The following C12orf50 variants were observed in gnomAD, a reference collection of about 807,000 sequenced individuals.
The protein encoded by C12orf50 is uncharacterized protein C12orf50.
In C12orf50, 35 loss-of-function variants were observed where a neutral mutation model predicts 61.6. That is an observed-to-expected ratio of 0.57 (90% CI 0.43 to 0.75). The LOEUF is 0.75. Ranked by LOEUF, C12orf50 falls within the 30% of genes least tolerant of loss-of-function variation. The probability of loss-of-function intolerance (pLI) is 0.00; values close to 1 mark genes in which losing one functional copy is unlikely to be tolerated. For missense variants in C12orf50, 475 were observed against 488.5 expected (o/e 0.97, Z 0.26); for synonymous variants, 178 against 161.5 (o/e 1.10, Z -0.77).
At chr12:88,028,688 T>C (rs2136513360) in intron 1 of C12orf50, among the ~76,000 whole-genome samples, 1 of 152,236 alleles carries the variant, frequency 6.6e-6, no homozygotes, top group South Asian at 2.1e-4. Flanking sequence ...TTCAACTATT[T>C]GAATTATAAT....
chr12:87,997,338 A>G (rs1430802618), intron 4 of C12orf50, among the ~76,000 whole-genome samples: 1 of 152,150 alleles, frequency 6.6e-6, no homozygotes, highest in Admixed American at 6.6e-5. Flanking sequence ...TGTTTTAGAA[A>G]CATATATAAA....
chr12:87,982,990 G>T (rs2136395757), intron 12 of C12orf50, 113 bp downstream of exon 12: 1 of 542,074 alleles, frequency 1.8e-6, no homozygotes, highest in Non-Finnish European at 3.2e-6. Context: ...AAGTGTGCAT[G>T]TATATCTTGA....
At chr12:88,019,439 C>A (rs540104830) in intron 3 of C12orf50, among the ~76,000 whole-genome samples, 1 of 152,128 alleles carries the variant, frequency 6.6e-6, no homozygotes, top group South Asian at 2.1e-4. Context: ...GTAAATTGCC[C>A]AGTCTTGGGT....
chr12:87,980,384 A>T, intron 12 of C12orf50, 28 bp from the exon 13 acceptor site: 11 of 1,577,458 alleles, frequency 7.0e-6, no homozygotes, highest in Non-Finnish European at 8.7e-6. Context: ...AAAATATTTC[A>T]ATTATTTTCT....
intron 7 of C12orf50, among the ~76,000 whole-genome samples, chr12:87,992,982 A>G (rs376324438): frequency 2.0e-5 from 3 of 152,156 alleles, no homozygotes; most frequent in Non-Finnish European, 2.9e-5. Context: ...TCTATCATAT[A>G]CACATACCCA....
chr12:87,998,287 A>ATT (rs2031504946), intron 3 of C12orf50, 97 bp from the exon 4 acceptor site: 10 of 872,178 alleles, frequency 1.1e-5, no homozygotes, highest in Middle Eastern at 3.0e-4. Context: ...ACTATATATT[A>ATT]TTTTAAAATG....
rs769293580 is a variant in C12orf50 at position 88,027,022 on chromosome 12, T to C, written c.-60A>G. 1.2e-6 allele frequency: 2 copies of C among 1,613,942 alleles called. No individual in the cohort carries two copies. The highest frequency in any genetic ancestry group is 1.7e-6 in the Non-Finnish European group (2 of 1,179,932). ...CTCTCTCTCCATAATGAGCACACAGTGTCACTGCCAAGGGCCTCTTCACAG... is the reference window on the plus strand; with the variant it reads ...CTCTCTCTCCATAATGAGCACACAGCGTCACTGCCAAGGGCCTCTTCACAG... On this transcript the variant is annotated 5_prime_UTR_variant, in exon 2 of 13. Transcript: ENST00000298699.
chr12:87,997,352 CAT>C (rs1242295868), intron 4 of C12orf50, among the ~76,000 whole-genome samples: 2 of 151,982 alleles, frequency 1.3e-5, no homozygotes, highest in Non-Finnish European at 2.9e-5. Flanking sequence ...ATATAAAAAA[CAT>C]AGCTTATTAG....
At position 88,027,051 on chromosome 12, in the gene C12orf50, C is replaced by G. The variant is rs374305863; in HGVS notation, c.-89G>C. The G allele has an allele frequency of 6.2e-7, 1 of 1,611,676 alleles. No homozygotes were observed. Among genetic ancestry groups the G allele is most frequent in the African/African-American group, 1.3e-5 (1 of 74,776 alleles). On this transcript the variant is annotated 5_prime_UTR_variant, in exon 2 of 13. Transcript: ENST00000298699. Reference sequence around the variant, plus strand: ...ACTGCCAAGGGCCTCTTCACAGTGTCGGAATCGGCACTGGGAACCCTAAAA... The same window carrying G: ...ACTGCCAAGGGCCTCTTCACAGTGTGGGAATCGGCACTGGGAACCCTAAAA...
At chr12:88,024,559 T>C (rs2136501475) in intron 3 of C12orf50, among the ~76,000 whole-genome samples, 1 of 152,226 alleles carries the variant, frequency 6.6e-6, no homozygotes, top group African/African-American at 2.4e-5. Flanking sequence ...TTCTAACTTA[T>C]AAGTGAGAGC....
In C12orf50 at chr12:87,980,171, C is replaced by T. The variant is rs944140871; in HGVS notation, c.*160G>A. On this transcript the variant is annotated 3_prime_UTR_variant, in exon 13 of 13. Coordinates refer to ENST00000298699, the MANE Select transcript of C12orf50 (RefSeq NM_152589.3). ...GTTTTGAAAGAGCACAATGTACTTC[C>T]TGCATCTTATTTTCAGAATTTGCAT... The T allele has an allele frequency of 2.9e-6, 2 of 678,956 alleles. No individual in the cohort carries two copies. The highest frequency in any genetic ancestry group is 1.8e-5 in the African/African-American group (1 of 55,202). The allele number at this position is 678,956 out of a possible 1,614,324, so 42.1% of individuals were successfully genotyped here. A position where few individuals can be genotyped will look rare whatever the true frequency, so the allele number is the denominator to read the frequency against.
At chr12:87,983,392 T>A (rs2030622646) in intron 11 of C12orf50, 197 bp from the exon 12 acceptor site, 1 of 357,472 alleles carries the variant, frequency 2.8e-6, no homozygotes, top group South Asian at 5.3e-5. Context: ...TTTTTTTTGT[T>A]TTTTTTATTA....
intron 10 of C12orf50, 24 bp downstream of exon 10, chr12:87,986,288 A>T (rs2030816180): frequency 6.8e-7 from 1 of 1,472,262 alleles, no homozygotes; most frequent in African/African-American, 1.4e-5. Context: ...CAATTTAGAA[A>T]TATCAAATAT....
At position 87,986,541 on chromosome 12, in the gene C12orf50, C is replaced by A. The variant is rs2030836161; in HGVS notation, c.818-125G>T. ...AAGAGGAAAAAATAAATGCACCATCCTAACACTTTACTTTTTAGAACAAAA... is the reference window on the plus strand; with the variant it reads ...AAGAGGAAAAAATAAATGCACCATCATAACACTTTACTTTTTAGAACAAAA... On this transcript the variant is annotated intron_variant, in intron 9 of 12. Transcript: ENST00000298699. The A allele has an allele frequency of 1.3e-5, 7 of 537,520 alleles. No homozygotes were observed. In the Admixed American group the frequency reaches 2.7e-4, roughly 21 times the overall value. 33.3% of individuals were successfully genotyped at this position (537,520 alleles called of 1,614,324 possible).
intron 3 of C12orf50, among the ~76,000 whole-genome samples, chr12:88,019,601 C>T (rs372596928): frequency 6.6e-6 from 1 of 151,132 alleles, no homozygotes; most frequent in African/African-American, 2.4e-5. Flanking sequence ...AATCATAAGG[C>T]TAGATGAGAC....
At chr12:88,018,379 C>T (rs1366360599) in intron 3 of C12orf50, among the ~76,000 whole-genome samples, 1 of 152,230 alleles carries the variant, frequency 6.6e-6, no homozygotes, top group Non-Finnish European at 1.5e-5. Context: ...GGAACCTCTG[C>T]CTAGATTTCA....
chr12:88,027,087 A>G lies in C12orf50; in HGVS notation c.-108-17T>C. 2 of 1,590,342 alleles carry G rather than the reference A, an allele frequency of 1.3e-6. No individual in the cohort carries two copies. The highest frequency in any genetic ancestry group is 1.7e-6 in the Non-Finnish European group (2 of 1,171,998). On this transcript the variant is annotated splice_polypyrimidine_tract_variant and intron_variant, in intron 1 of 12. Transcript: ENST00000298699. ...CTGGGAACCCTAAAAGAAAAAGTAA[A>G]CAGTGTAGAAAGCTCAATATGTTGA...
intron 3 of C12orf50, among the ~76,000 whole-genome samples, chr12:88,010,422 A>AG (rs1303452602): frequency 3.2e-5 from 4 of 123,724 alleles, no homozygotes; most frequent in African/African-American, 9.5e-5. Flanking sequence ...ATAAGATTAA[A>AG]ATTATTATAA....
chr12:88,022,068 C>T (rs11503324), intron 3 of C12orf50, among the ~76,000 whole-genome samples: 12,274 of 151,346 alleles, frequency 0.081, 1,308 homozygotes, highest in African/African-American at 0.25. Context: ...CCAATATTCT[C>T]AGTGAACACA....
Sources: gnomAD v4.1 joint callset for allele counts (sites outside exome capture counted in the v4.1 genomes callset) on GRCh38, gnomAD v4.1.1 for gene constraint, MANE v1.5 for transcripts, NCBI Gene and HGNC (gene_info 2026-07-23, HGNC 2026-07-21) for gene names.